Variants in AGAP1 observed in about 807,000 individuals in gnomAD.
The protein encoded by AGAP1 is arf-GAP with GTPase, ANK repeat and PH domain-containing protein 1.
In AGAP1, 29 loss-of-function variants were observed where a neutral mutation model predicts 105.3. That is an observed-to-expected ratio of 0.28 (90% CI 0.21 to 0.38). The LOEUF (loss-of-function observed/expected upper bound fraction) is 0.38. AGAP1 is among the 10% of genes least tolerant of loss of function. The pLI is 1.00. For synonymous variants in AGAP1, 509 were observed against 485.9 expected (o/e 1.05, Z -0.63); for missense variants, 998 against 1,165.1 (o/e 0.86, Z 2.09).
intron 6 of AGAP1, among the ~76,000 whole-genome samples, chr2:235,764,020 G>A (rs865924225): frequency 4.6e-5 from 7 of 150,960 alleles, no homozygotes; most frequent in Non-Finnish European, 8.8e-5. Flanking sequence ...GCTGTGACCC[G>A]TGCGTGGCTT....
intron 9 of AGAP1, among the ~76,000 whole-genome samples, chr2:235,863,037 C>T (rs1218057613): frequency 2.6e-5 from 4 of 152,206 alleles, no homozygotes; most frequent in Non-Finnish European, 5.9e-5. Flanking sequence ...TTACCTTGCC[C>T]AATTACTTAA....
At chr2:235,861,736 A>C (rs750958142) in intron 9 of AGAP1, among the ~76,000 whole-genome samples, 2 of 152,206 alleles carry the variant, frequency 1.3e-5, no homozygotes, top group Non-Finnish European at 2.9e-5. Flanking sequence ...GGGGACTGGT[A>C]GGTACCCTGA....
intron 10 of AGAP1, among the ~76,000 whole-genome samples, chr2:235,886,716 C>T (rs537297462): frequency 1.2e-4 from 19 of 152,290 alleles, no homozygotes; most frequent in Non-Finnish European, 2.1e-4. Flanking sequence ...GATGCAGGTA[C>T]GTAGTTCCCT....
Position 235,958,755 on chromosome 2 carries a change from A to G in AGAP1, c.1484-9707A>G, listed in dbSNP as rs2054055398. The stretch of plus-strand genomic sequence containing the variant: ...GTCTGCCGGAATGATAGCTAAGAAT[A>G]CATTCCTGGCCCATCAGTCTCAAGC... On this transcript the variant is annotated intron_variant, in intron 12 of 17. Coordinates refer to ENST00000304032, the MANE Select transcript of AGAP1 (RefSeq NM_001037131.3). This position sits in a 1 kb window ranked among gnomAD's most constrained non-coding sequence, Gnocchi z 4.1. Among the ~76,000 whole-genome samples, 1 of 152,196 alleles carries G rather than the reference A, an allele frequency of 6.6e-6. No individual in the cohort carries two copies.
Position 235,793,406 on chromosome 2 carries a change from A to G in AGAP1, c.674-4353A>G, listed in dbSNP as rs1339351586. Among the ~76,000 whole-genome samples, 1 of 152,160 alleles carries G rather than the reference A, an allele frequency of 6.6e-6. No individual in the cohort carries two copies. The highest frequency in any genetic ancestry group is 1.9e-4 in the East Asian group (1 of 5,180). On this transcript the variant is annotated intron_variant, in intron 6 of 17. Coordinates refer to ENST00000304032, the MANE Select transcript of AGAP1 (RefSeq NM_001037131.3). The surrounding 1 kb of genome is among the most constrained non-coding windows in gnomAD (Gnocchi z 5.3). ...CCCAAGTAGAAGTTAGAAATTGATG[A>G]CAAACTGAGGGTGCAGGGCAAAAGA...
chr2:235,751,789 T>G lies in AGAP1; in HGVS notation c.673+1301T>G, dbSNP rs1344156666. Reference sequence around the variant, plus strand: ...TTGGTCCTAGTTACTGCTTCATGGCTTAGGTTTCTTCTCGCCTTATCCAGT... The same window carrying G: ...TTGGTCCTAGTTACTGCTTCATGGCGTAGGTTTCTTCTCGCCTTATCCAGT... On this transcript the variant is annotated intron_variant, in intron 6 of 17. Coordinates refer to ENST00000304032, the MANE Select transcript of AGAP1 (RefSeq NM_001037131.3). This position sits in a 1 kb window ranked among gnomAD's most constrained non-coding sequence, Gnocchi z 5.3. Among the ~76,000 whole-genome samples, 7 of 152,212 alleles carry G rather than the reference T, an allele frequency of 4.6e-5. No homozygotes were observed. In the East Asian group the frequency reaches 1.2e-3, roughly 25 times the overall value.
At chr2:235,890,801 A>G (rs1380238644) in intron 10 of AGAP1, among the ~76,000 whole-genome samples, 1 of 152,178 alleles carries the variant, frequency 6.6e-6, no homozygotes, top group Admixed American at 6.5e-5. Context: ...CTTCTAGGTC[A>G]CTTCAGACTC....
intron 1 of AGAP1, among the ~76,000 whole-genome samples, chr2:235,498,269 C>T (rs4663599): frequency 0.86 from 129,893 of 151,788 alleles, 55,834 homozygotes; most frequent in East Asian, 0.99. Flanking sequence ...CAGTTTTTTT[C>T]CCCCAATTTT....
intron 1 of AGAP1, among the ~76,000 whole-genome samples, chr2:235,573,329 T>C (rs1944634424): frequency 6.6e-6 from 1 of 151,904 alleles, no homozygotes; most frequent in Non-Finnish European, 1.5e-5. Flanking sequence ...AAGTGATCCT[T>C]AGCCCCTCAA....
intron 1 of AGAP1, chr2:235,669,757 C>T (rs1302012507): frequency 2.0e-5 from 3 of 148,090 alleles, no homozygotes; most frequent in Admixed American, 6.7e-5. Flanking sequence ...TGCGCACGGG[C>T]CCCGCGTCGT....
At chr2:236,067,621 T>C (rs1029414873) in intron 16 of AGAP1, among the ~76,000 whole-genome samples, 1 of 152,192 alleles carries the variant, frequency 6.6e-6, no homozygotes, top group African/African-American at 2.4e-5. Flanking sequence ...TGTGAAATAA[T>C]CTATGTTACT....
At chr2:235,742,449 C>T (rs1031185850) in intron 4 of AGAP1, among the ~76,000 whole-genome samples, 2 of 152,114 alleles carry the variant, frequency 1.3e-5, no homozygotes, top group African/African-American at 4.8e-5. Context: ...TTAGCATTAA[C>T]GATACCATGA....
intron 1 of AGAP1, among the ~76,000 whole-genome samples, chr2:235,649,004 G>A (rs1575039011): frequency 6.6e-6 from 1 of 152,294 alleles, no homozygotes; most frequent in East Asian, 1.9e-4. Context: ...GATCTTGGGG[G>A]ACTCGGAACA....
chr2:236,004,548 T>G (rs13430316), intron 13 of AGAP1, among the ~76,000 whole-genome samples: 3,769 of 152,314 alleles, frequency 0.025, 143 homozygotes, highest in African/African-American at 0.085. Context: ...CCAAAGAGCA[T>G]CAGGAGGCTA....
intron 6 of AGAP1, among the ~76,000 whole-genome samples, chr2:235,755,820 GGACA>G (rs1450431033): frequency 2.6e-5 from 4 of 152,320 alleles, no homozygotes; most frequent in East Asian, 1.9e-4. Context: ...CAGCTCTTCT[GGACA>G]GACAGAGTGT....
chr2:235,651,716 A>G (rs1947601734), intron 1 of AGAP1, among the ~76,000 whole-genome samples: 1 of 152,152 alleles, frequency 6.6e-6, no homozygotes. Context: ...ACCTTTTTAT[A>G]AACTTGTTTG....
rs533171126 is a variant in AGAP1 at position 236,059,889 on chromosome 2, A to G, written c.2114+10608A>G. Among the ~76,000 whole-genome samples, 4 of 152,160 alleles carry G rather than the reference A, an allele frequency of 2.6e-5. No individual in the cohort carries two copies. In the South Asian group the frequency reaches 8.3e-4, roughly 32 times the overall value. Reference sequence around the variant, plus strand: ...GGTGGACACTTGAGGTCAGGAGTTCAAGACCAGCCTGGCCAACATGGTGAA... The same window carrying G: ...GGTGGACACTTGAGGTCAGGAGTTCGAGACCAGCCTGGCCAACATGGTGAA... On this transcript the variant is annotated intron_variant, in intron 16 of 17. Coordinates refer to ENST00000304032, the MANE Select transcript of AGAP1 (RefSeq NM_001037131.3).
rs1295500247 is a variant in AGAP1, at chr2:235,582,983, A to G, written c.163+88134A>G. On this transcript the variant is annotated intron_variant, in intron 1 of 17. Transcript: ENST00000304032. This position sits in a 1 kb window ranked among gnomAD's most constrained non-coding sequence, Gnocchi z 4.7. ...GGATTTGGCTCGGAACCTGCCAAGGACCCCTGTGTGTTAAAGTTGAAATAG... is the reference window on the plus strand; with the variant it reads ...GGATTTGGCTCGGAACCTGCCAAGGGCCCCTGTGTGTTAAAGTTGAAATAG... 1.3e-5 allele frequency among the ~76,000 whole-genome samples: 2 copies of G among 152,136 alleles called. No individual in the cohort carries two copies. Among genetic ancestry groups the G allele is most frequent in the Non-Finnish European group, 1.5e-5 (1 of 68,026 alleles).
In AGAP1 at chr2:235,555,307, T is replaced by A. The variant is rs1430929156; in HGVS notation, c.163+60458T>A. On this transcript the variant is annotated intron_variant, in intron 1 of 17. Transcript: ENST00000304032. The surrounding 1 kb of genome is among the most constrained non-coding windows in gnomAD (Gnocchi z 5.1). ...CTTTGTGTTCGTTGGTCTCCATTTCTAGTGTCTGAGTAAAGGCAGTCCCCA... is the reference window on the plus strand; with the variant it reads ...CTTTGTGTTCGTTGGTCTCCATTTCAAGTGTCTGAGTAAAGGCAGTCCCCA... 6.6e-6 allele frequency among the ~76,000 whole-genome samples: 1 copy of A among 152,222 alleles called. No homozygotes were observed. Among genetic ancestry groups the A allele is most frequent in the East Asian group, 1.9e-4 (1 of 5,190 alleles).
Sources: gnomAD v4.1 joint callset for allele counts (sites outside exome capture counted in the v4.1 genomes callset) on GRCh38, gnomAD v4.1.1 for gene constraint, Gnocchi (gnomAD v3.1) non-coding constraint, MANE v1.5 for transcripts, NCBI Gene and HGNC (gene_info 2026-07-23, HGNC 2026-07-21) for gene names.